The following CA1 variants were observed in gnomAD, a reference collection of about 807,000 sequenced individuals.
CA1 encodes carbonic anhydrase 1.
A neutral mutation model predicts 28.8 loss-of-function variants in CA1; 27 were observed. That is an observed-to-expected ratio of 0.94 (90% CI 0.69 to 1.29). The LOEUF is 1.29. Among genes scored for constraint, CA1 ranks in the 50% most tolerant of loss-of-function variants. The probability of loss-of-function intolerance (pLI) is 0.00; values close to 1 mark genes in which losing one functional copy is unlikely to be tolerated. For missense variants in CA1, 335 were observed against 310.5 expected (o/e 1.08, Z -0.59); for synonymous variants, 121 against 108.8 (o/e 1.11, Z -0.70).
rs562473799 is a variant in CA1, at chr8:85,344,371, CATTT to C, written c.-24-2716_-24-2713del. Among the ~76,000 whole-genome samples the C allele has an allele frequency of 3.4e-3, 488 of 141,682 alleles. 12 individuals carry two copies. Among genetic ancestry groups the C allele is most frequent in the Admixed American group, 0.031 (416 of 13,630 alleles). 92.9% of individuals were successfully genotyped at this position (141,682 alleles called of 152,430 possible). ...ATATATTATGTATATTAGATTATTA[CATTT>C]ATTTATTAACACCAATTAATTTCTA... On this transcript the variant is annotated intron_variant, in intron 1 of 7. Coordinates refer to ENST00000523022, the MANE Select transcript of CA1 (RefSeq NM_001128831.4).
intron 3 of CA1, chr8:85,337,906 A>G (rs927866143): frequency 1.2e-4 from 46 of 381,368 alleles, no homozygotes; most frequent in Non-Finnish European, 1.9e-4. Flanking sequence ...ATTAGAAAAT[A>G]TTTTTCTTTT....
chr8:85,355,712 T>A (rs1357779195), intron 1 of CA1, among the ~76,000 whole-genome samples: 1 of 151,888 alleles, frequency 6.6e-6, no homozygotes, highest in Non-Finnish European at 1.5e-5. Flanking sequence ...AGATTTAAAT[T>A]TTTACTTTTA....
rs1808496515 is a variant in CA1 at position 85,333,447 on chromosome 8, GTTGCCT to G, written c.450+72_450+77del. On this transcript the variant is annotated intron_variant, in intron 5 of 7. Transcript: ENST00000523022. ...TAAAATAAGAAATTCTAAAATATAT[GTTGCCT>G]TATTTCCTTCTATTTTGAGGTCTAA... is the stretch of plus-strand genomic sequence containing the variant. 6.9e-6 allele frequency: 6 copies of G among 869,564 alleles called. No homozygotes were observed. The South Asian group carries it at 8.1e-5, about 12-fold the overall frequency. The allele number at this position is 869,564 out of a possible 1,614,324, so 53.9% of individuals were successfully genotyped here. A position where few individuals can be genotyped will look rare whatever the true frequency, so the allele number is the denominator to read the frequency against.
chr8:85,339,017 C>T (rs762701194), intron 2 of CA1, among the ~76,000 whole-genome samples: 16 of 151,852 alleles, frequency 1.1e-4, no homozygotes, highest in African/African-American at 1.5e-4. Flanking sequence ...CACCCGGCCC[C>T]TTTTCTATAT....
chr8:85,368,868 C>G (rs368985334), intron 1 of CA1, among the ~76,000 whole-genome samples: 4 of 152,246 alleles, frequency 2.6e-5, no homozygotes, highest in South Asian at 4.2e-4. Context: ...AACAGGTCCT[C>G]CTTCCCAGAA....
intron 6 of CA1, among the ~76,000 whole-genome samples, chr8:85,331,753 C>T (rs903996435): frequency 5.3e-5 from 8 of 151,984 alleles, no homozygotes; most frequent in East Asian, 1.9e-4. Context: ...CCACCACACC[C>T]GGCCATCATT....
At chr8:85,330,338 G>A (rs532216723) in intron 6 of CA1, among the ~76,000 whole-genome samples, 1 of 152,160 alleles carries the variant, frequency 6.6e-6, no homozygotes, top group Admixed American at 6.5e-5. Flanking sequence ...AATCTTTTAT[G>A]CATTCTGTAT....
At position 85,347,379 on chromosome 8, in the gene CA1, A is replaced by G. The variant is rs546381995; in HGVS notation, c.-24-5720T>C. Among the ~76,000 whole-genome samples the G allele has an allele frequency of 2.0e-5, 3 of 152,328 alleles. No individual in the cohort carries two copies. In the East Asian group the frequency reaches 5.8e-4, roughly 29 times the overall value. ...AAGTATTGGTAGCTTTGTTAGAGGT[A>G]TCTGGGAGTTAGATGACTCCACCCT... On this transcript the variant is annotated intron_variant, in intron 1 of 7. Coordinates refer to ENST00000523022, the MANE Select transcript of CA1 (RefSeq NM_001128831.4).
At chr8:85,352,052 C>A (rs1289064151) in intron 1 of CA1, among the ~76,000 whole-genome samples, 1 of 152,172 alleles carries the variant, frequency 6.6e-6, no homozygotes, top group Non-Finnish European at 1.5e-5. Flanking sequence ...GGCACCACAA[C>A]TTCTGGTTGT....
chr8:85,328,692 AT>A lies in CA1; in HGVS notation c.670-17del. 2.0e-6 allele frequency: 3 copies of A among 1,513,558 alleles called. No homozygotes were observed. Among genetic ancestry groups the A allele is most frequent in the Non-Finnish European group, 2.7e-6 (3 of 1,093,012 alleles). The allele number at this position is 1,513,558 out of a possible 1,614,324, so 93.8% of individuals were successfully genotyped here. A position where few individuals can be genotyped will look rare whatever the true frequency, so the allele number is the denominator to read the frequency against. On this transcript the variant is annotated splice_polypyrimidine_tract_variant and intron_variant, in intron 7 of 7. Transcript: ENST00000523022. ...ATTGTGCCAGCTAGAAGGATAAAAT[AT>A]TTTAAAAATAAAAAGTTTTTAAAGT...
intron 2 of CA1, among the ~76,000 whole-genome samples, chr8:85,339,434 T>C (rs1408540775): frequency 6.6e-6 from 1 of 152,202 alleles, no homozygotes; most frequent in Non-Finnish European, 1.5e-5. Flanking sequence ...GTTGTGTGTG[T>C]TTTAACTACT....
intron 1 of CA1, among the ~76,000 whole-genome samples, chr8:85,356,623 C>T (rs1809615114): frequency 6.6e-6 from 1 of 152,066 alleles, no homozygotes; most frequent in Non-Finnish European, 1.5e-5. Context: ...ATTAGTTTAA[C>T]TGAAGTGAAT....
chr8:85,339,155 C>T (rs975769097), intron 2 of CA1, among the ~76,000 whole-genome samples: 5 of 152,056 alleles, frequency 3.3e-5, no homozygotes, highest in African/African-American at 4.8e-5. Context: ...CATTTTATTG[C>T]GCTTCACTTT....
At chr8:85,368,629 C>T (rs1176847673) in intron 1 of CA1, among the ~76,000 whole-genome samples, 1 of 151,588 alleles carries the variant, frequency 6.6e-6, no homozygotes, top group Admixed American at 6.6e-5. Flanking sequence ...GCACAGTGTG[C>T]TCTTTTGAGT....
chr8:85,329,146 A>G (rs1585909471), intron 7 of CA1, among the ~76,000 whole-genome samples: 1 of 152,288 alleles, frequency 6.6e-6, no homozygotes, highest in Non-Finnish European at 1.5e-5. Context: ...ACAGGCTACA[A>G]TGCTTGTCCT....
chr8:85,345,930 A>G (rs2130256076), intron 1 of CA1, among the ~76,000 whole-genome samples: 1 of 152,298 alleles, frequency 6.6e-6, no homozygotes, highest in African/African-American at 2.4e-5. Flanking sequence ...AACTTTTGAC[A>G]TATAAATTTC....
rs1808255712 is a variant in CA1, at chr8:85,328,375, T to C, written c.*185A>G. On this transcript the variant is annotated 3_prime_UTR_variant, in exon 8 of 8. Transcript: ENST00000523022. The stretch of plus-strand genomic sequence containing the variant: ...TACAGATTACTATTTGCTAGCTTAC[T>C]AATTATTATTTGAATTAAGCAGTAA... The C allele has an allele frequency of 2.2e-6, 1 of 460,366 alleles. No individual in the cohort carries two copies. Among genetic ancestry groups the C allele is most frequent in the African/African-American group, 2.0e-5 (1 of 50,962 alleles). The allele number at this position is 460,366 out of a possible 1,614,324, so 28.5% of individuals were successfully genotyped here. A position where few individuals can be genotyped will look rare whatever the true frequency, so the allele number is the denominator to read the frequency against.
chr8:85,352,463 C>T (rs1051367207), intron 1 of CA1, among the ~76,000 whole-genome samples: 1 of 152,144 alleles, frequency 6.6e-6, no homozygotes, highest in African/African-American at 2.4e-5. Flanking sequence ...CCAACCAATA[C>T]CGGTATGCCT....
At chr8:85,376,448 G>A (rs1006174252) in intron 1 of CA1, among the ~76,000 whole-genome samples, 3 of 151,974 alleles carry the variant, frequency 2.0e-5, no homozygotes, top group Non-Finnish European at 4.4e-5. Context: ...GATCATCAGA[G>A]GTCAAGAGAT....
Sources: allele counts gnomAD v4.1 joint callset (sites outside exome capture counted in the v4.1 genomes callset), GRCh38; gene constraint gnomAD v4.1.1; transcripts MANE v1.5; gene names NCBI Gene and HGNC (gene_info 2026-07-23, HGNC 2026-07-21).